The following FHIT variants were observed in gnomAD, a reference collection of about 807,000 sequenced individuals.
FHIT encodes fragile histidine triad diadenosine triphosphatase, also known as bis(5'-adenosyl)-triphosphatase.
In FHIT, 19 loss-of-function variants were observed where a neutral mutation model predicts 17.9. The observed-to-expected ratio is 1.06, with a 90% confidence interval of 0.74 to 1.56. The LOEUF (loss-of-function observed/expected upper bound fraction) is 1.56. Ranked by LOEUF, FHIT falls within the 40% of genes most tolerant of loss-of-function variation. The pLI, the probability that FHIT is intolerant of heterozygous loss-of-function variation, is 0.00. For missense variants in FHIT, 248 were observed against 189.2 expected, an observed-to-expected ratio of 1.31 and a Z score of -1.82; for synonymous variants, 81 against 69.7, an observed-to-expected ratio of 1.16 and a Z score of -0.81.
intron 5 of FHIT, among the ~76,000 whole-genome samples, chr3:60,044,337 G>A (rs940749598): frequency 2.6e-5 from 4 of 152,162 alleles, no homozygotes; most frequent in African/African-American, 4.8e-5. Context: ...AGAAAGTTGT[G>A]AGGCAACGTC....
chr3:60,627,284 GA>G (rs2039314888), intron 4 of FHIT, among the ~76,000 whole-genome samples: 1 of 152,134 alleles, frequency 6.6e-6, no homozygotes, highest in African/African-American at 2.4e-5. Context: ...GAAGTCATCT[GA>G]ACTTGGACTT....
chr3:61,031,849 C>T (rs1362331286), intron 3 of FHIT, among the ~76,000 whole-genome samples: 1 of 152,192 alleles, frequency 6.6e-6, no homozygotes, highest in African/African-American at 2.4e-5. Context: ...TGAGGACCAC[C>T]ACCAACTGTG....
intron 7 of FHIT, among the ~76,000 whole-genome samples, chr3:60,010,369 G>T (rs1700093651): frequency 1.3e-5 from 2 of 152,266 alleles, no homozygotes; most frequent in South Asian, 4.1e-4. Flanking sequence ...CCCATATGGT[G>T]GCAGTCCCTA....
chr3:61,081,256 A>C (rs1422705989), intron 2 of FHIT, among the ~76,000 whole-genome samples: 4 of 152,118 alleles, frequency 2.6e-5, no homozygotes, highest in African/African-American at 9.7e-5. Context: ...ACAAGAAGGG[A>C]CATGTTACCT....
intron 5 of FHIT, among the ~76,000 whole-genome samples, chr3:60,469,628 C>A (rs544856378): frequency 1.1e-4 from 16 of 152,018 alleles, no homozygotes; most frequent in African/African-American, 3.9e-4. Flanking sequence ...GCTCACATAT[C>A]TCTCTCTCTC....
At chr3:60,994,626 C>T (rs149086938) in intron 3 of FHIT, among the ~76,000 whole-genome samples, 26 of 152,176 alleles carry the variant, frequency 1.7e-4, no homozygotes, top group Non-Finnish European at 7.4e-5. Flanking sequence ...ACATTGGGCA[C>T]GGTTGGGAAT....
chr3:60,649,194 G>C (rs375578264), intron 4 of FHIT, among the ~76,000 whole-genome samples: 1 of 152,068 alleles, frequency 6.6e-6, no homozygotes, highest in Non-Finnish European at 1.5e-5. Context: ...TCAGGAGATC[G>C]AGACCATTCT....
At chr3:60,081,001 T>C (rs931370613) in intron 5 of FHIT, among the ~76,000 whole-genome samples, 3 of 152,096 alleles carry the variant, frequency 2.0e-5, no homozygotes, top group Admixed American at 2.0e-4. Context: ...GGCATCTATC[T>C]CTATCAAGGT....
At chr3:60,122,910 T>A (rs560147659) in intron 5 of FHIT, among the ~76,000 whole-genome samples, 3 of 152,354 alleles carry the variant, frequency 2.0e-5, no homozygotes, top group South Asian at 2.1e-4. Flanking sequence ...TTTCCAGAGT[T>A]TTAAAATGGA....
intron 5 of FHIT, among the ~76,000 whole-genome samples, chr3:60,031,113 G>C (rs1700980364): frequency 1.3e-5 from 2 of 152,156 alleles, no homozygotes; most frequent in African/African-American, 2.4e-5. Flanking sequence ...AATTTTTGTA[G>C]AGAATAAGCT....
At chr3:60,201,573 G>C (rs949490589) in intron 5 of FHIT, among the ~76,000 whole-genome samples, 1 of 151,912 alleles carries the variant, frequency 6.6e-6, no homozygotes, top group East Asian at 1.9e-4. Context: ...AAAATGGAAG[G>C]GCCATCTAGA....
chr3:60,093,017 C>A (rs1703795337), intron 5 of FHIT, among the ~76,000 whole-genome samples: 1 of 152,174 alleles, frequency 6.6e-6, no homozygotes, highest in African/African-American at 2.4e-5. Flanking sequence ...TGAACTTCGA[C>A]AGGAAAATTA....
At chr3:60,794,874 T>C (rs753909018) in intron 4 of FHIT, among the ~76,000 whole-genome samples, 68 of 152,352 alleles carry the variant, frequency 4.5e-4, no homozygotes, top group Non-Finnish European at 6.9e-4. Context: ...TTTACTTTTA[T>C]AATTCTTTGA....
chr3:60,305,298 C>T (rs17340935), intron 5 of FHIT, among the ~76,000 whole-genome samples: 1,998 of 152,146 alleles, frequency 0.013, 21 homozygotes, highest in Middle Eastern at 0.024. Context: ...AAATGCTTAC[C>T]ATGGCAAGAG....
intron 4 of FHIT, among the ~76,000 whole-genome samples, chr3:60,629,824 C>T (rs1647699840): frequency 6.6e-6 from 1 of 152,208 alleles, no homozygotes; most frequent in African/African-American, 2.4e-5. Flanking sequence ...CTTTGAAACA[C>T]AGTGCCCATT....
intron 5 of FHIT, among the ~76,000 whole-genome samples, chr3:60,496,921 T>A (rs530598092): frequency 6.6e-6 from 1 of 152,112 alleles, no homozygotes; most frequent in East Asian, 1.9e-4. Context: ...AACAACATGA[T>A]TTCCTTTTTA....
intron 5 of FHIT, among the ~76,000 whole-genome samples, chr3:60,126,644 C>G (rs560343641): frequency 3.3e-5 from 5 of 152,302 alleles, no homozygotes; most frequent in East Asian, 3.9e-4. Flanking sequence ...TGATTCACAA[C>G]AGAACTCAGA....
intron 3 of FHIT, among the ~76,000 whole-genome samples, chr3:60,932,273 T>C (rs1202297492): frequency 6.6e-6 from 1 of 152,176 alleles, no homozygotes; most frequent in Non-Finnish European, 1.5e-5. Flanking sequence ...AAGTGCCTTA[T>C]CCTACAGTTT....
chr3:61,075,465 A>T, intron 2 of FHIT, among the ~76,000 whole-genome samples: 1 of 152,154 alleles, frequency 6.6e-6, no homozygotes, highest in East Asian at 1.9e-4. Flanking sequence ...TTAGCACCCA[A>T]CAAGTCAGAA....
Sources: allele counts gnomAD v4.1 joint callset (sites outside exome capture counted in the v4.1 genomes callset), GRCh38; gene constraint gnomAD v4.1.1; transcripts MANE v1.5; gene names NCBI Gene and HGNC (gene_info 2026-07-23, HGNC 2026-07-21).